The following PREX1 variants were observed in gnomAD, a reference collection of about 807,000 sequenced individuals.
The protein encoded by PREX1 is phosphatidylinositol-3,4,5-trisphosphate dependent Rac exchange factor 1.
A neutral mutation model predicts 198.3 loss-of-function variants in PREX1; 41 were observed. The observed-to-expected ratio is 0.21, with a 90% CI of 0.16 to 0.27. PREX1 has a LOEUF of 0.27. PREX1 is among the 10% of genes least tolerant of loss of function. PREX1 has a pLI of 1.00. For missense variants in PREX1, 1,620 were observed against 2,200.7 expected, an observed-to-expected ratio of 0.74 and a Z score of 5.28; for synonymous variants, 843 against 887.2, an observed-to-expected ratio of 0.95 and a Z score of 0.89.
the PREX1 span, among the ~76,000 whole-genome samples, chr20:48,874,372 CGTGTGTGTGTGTGTGTGTGTGT>C: frequency 1.1e-4 from 14 of 127,920 alleles, no homozygotes; most frequent in Admixed American, 7.0e-4. Flanking sequence ...GAGGGGTGTC[CGTGTGTGTGTGTGTGTGTGTGT>C]GTGTGTGTGT....
intron 4 of PREX1, among the ~76,000 whole-genome samples, chr20:48,727,538 G>A (rs535277396): frequency 1.3e-5 from 2 of 152,136 alleles, no homozygotes; most frequent in South Asian, 4.2e-4. Context: ...CAGGCCTCTA[G>A]GGCTCCCAAC....
intron 1 of PREX1, among the ~76,000 whole-genome samples, chr20:48,766,481 C>A (rs1051714746): frequency 6.6e-6 from 1 of 152,210 alleles, no homozygotes; most frequent in Admixed American, 6.5e-5. Context: ...GCAGCCAGAC[C>A]GGCCTCCAGG....
chr20:48,714,738 C>G (rs1354173745), intron 5 of PREX1, among the ~76,000 whole-genome samples: 1 of 152,202 alleles, frequency 6.6e-6, no homozygotes, highest in East Asian at 1.9e-4. Context: ...ATACCTGAAG[C>G]CATCTATCCA....
chr20:48,796,761 C>T (rs995905292), intron 1 of PREX1, among the ~76,000 whole-genome samples: 1 of 147,274 alleles, frequency 6.8e-6, no homozygotes, highest in African/African-American at 2.5e-5. Flanking sequence ...ATTATATATA[C>T]ATATATAGTT....
rs149728882 is a variant in PREX1, at chr20:48,639,864, C to T, written c.3806G>A (p.Arg1269His). 22 of 1,613,978 alleles carry T rather than the reference C, an allele frequency of 1.4e-5. No individual in the cohort carries two copies. The East Asian group carries it at 2.0e-4, about 15-fold the overall frequency. Residue 1269 changes from arginine to histidine, a missense_variant, in exon 30 of 40, where the codon CGT becomes CAT. This residue lies in a region of PREX1 where 476 missense variants were observed against 603.4 expected (regional missense o/e 0.79). Transcript: ENST00000371941. ...EFKQKEECTI[R>H]GRSLIQISIQ... ...GCTAATCTGGATCAGGCTCCGGCCA[C>T]GGATTGTACACTCTTCTTTCTGTTT...
At chr20:48,682,104 C>A (rs1048643882) in intron 10 of PREX1, among the ~76,000 whole-genome samples, 2 of 152,102 alleles carry the variant, frequency 1.3e-5, no homozygotes, top group African/African-American at 2.4e-5. Flanking sequence ...GATCTCACCC[C>A]CAATACCTCT....
chr20:48,662,283 T>C (rs954840495), intron 15 of PREX1, among the ~76,000 whole-genome samples: 32 of 152,174 alleles, frequency 2.1e-4, no homozygotes, highest in Non-Finnish European at 2.8e-4. Flanking sequence ...GGAGGAAGAA[T>C]TGCAATGTTG....
chr20:48,656,148 C>A (rs2089541142), intron 18 of PREX1, among the ~76,000 whole-genome samples: 1 of 152,268 alleles, frequency 6.6e-6, no homozygotes, highest in African/African-American at 2.4e-5. Flanking sequence ...AAACTTTCCA[C>A]CCCTCCTGTC....
chr20:48,840,402 T>C, the PREX1 span, among the ~76,000 whole-genome samples: 1 of 151,424 alleles, frequency 6.6e-6, no homozygotes, highest in African/African-American at 2.4e-5. Context: ...TGCTAGACAC[T>C]GTTGCTCCAA....
At chr20:48,634,085 C>CGGCT (rs2089338886) in intron 33 of PREX1, among the ~76,000 whole-genome samples, 4 of 122,676 alleles carry the variant, frequency 3.3e-5, no homozygotes, top group Non-Finnish European at 7.0e-5. Flanking sequence ...GATGGATGGA[C>CGGCT]GGATGGATGG....
chr20:48,630,683 C>G lies in PREX1; in HGVS notation c.4593+45G>C, dbSNP rs751872842. On this transcript the variant is annotated intron_variant, in intron 36 of 39. Coordinates refer to ENST00000371941, the MANE Select transcript of PREX1 (RefSeq NM_020820.4). Reference sequence around the variant, plus strand: ...TGCTGAGTCCTGACTCCTGAGCGCCCCACCCTGCCCAAGCTCCCTGCAGCA... The same window carrying G: ...TGCTGAGTCCTGACTCCTGAGCGCCGCACCCTGCCCAAGCTCCCTGCAGCA... 3.3e-6 allele frequency: 5 copies of G among 1,513,464 alleles called. No homozygotes were observed. The African/African-American group carries it at 5.5e-5, about 17-fold the overall frequency. 93.8% of individuals were successfully genotyped at this position (1,513,464 alleles called of 1,614,324 possible).
the PREX1 span, among the ~76,000 whole-genome samples, chr20:48,862,239 A>C: frequency 2.6e-5 from 4 of 152,136 alleles, no homozygotes; most frequent in Non-Finnish European, 5.9e-5. Flanking sequence ...AAAATAAAAA[A>C]GCAAAAACCA....
At chr20:48,626,755 C>T (rs1568786944) in intron 39 of PREX1, among the ~76,000 whole-genome samples, 1 of 152,220 alleles carries the variant, frequency 6.6e-6, no homozygotes, top group Non-Finnish European at 1.5e-5. Flanking sequence ...TTGCCGCTGG[C>T]GGGGAGCTGC....
intron 3 of PREX1, among the ~76,000 whole-genome samples, chr20:48,737,003 C>T (rs1448857197): frequency 2.0e-5 from 3 of 152,034 alleles, no homozygotes; most frequent in Non-Finnish European, 2.9e-5. Flanking sequence ...GTACAGACAA[C>T]AATATCATTA....
intron 3 of PREX1, among the ~76,000 whole-genome samples, chr20:48,735,784 T>G (rs1429718880): frequency 1.3e-5 from 2 of 152,118 alleles, no homozygotes; most frequent in Non-Finnish European, 2.9e-5. Context: ...TCGCCGCTAG[T>G]GCAGTGGCAG....
chr20:48,777,717 T>C (rs2090269117), intron 1 of PREX1, among the ~76,000 whole-genome samples: 1 of 152,260 alleles, frequency 6.6e-6, no homozygotes, highest in Admixed American at 6.5e-5. Context: ...AGACTCTGCA[T>C]CCACATCTGT....
At chr20:48,670,460 T>C (rs1256516521) in intron 14 of PREX1, among the ~76,000 whole-genome samples, 1 of 152,198 alleles carries the variant, frequency 6.6e-6, no homozygotes, top group Non-Finnish European at 1.5e-5. Flanking sequence ...GCCTGGCCTC[T>C]GCTCTCTCCT....
the PREX1 span, among the ~76,000 whole-genome samples, chr20:48,880,536 C>T: frequency 6.6e-6 from 1 of 152,110 alleles, no homozygotes; most frequent in Non-Finnish European, 1.5e-5. Context: ...TGCAGGAGCT[C>T]CAGCTATTGC....
At chr20:48,808,565 G>T (rs563282183) in intron 1 of PREX1, among the ~76,000 whole-genome samples, 252 of 152,252 alleles carry the variant, frequency 1.7e-3, no homozygotes, top group African/African-American at 5.3e-3. Context: ...CGCACAAGTA[G>T]CCAGAGGGAT....
Sources: gnomAD v4.1 joint callset for allele counts (sites outside exome capture counted in the v4.1 genomes callset) on GRCh38, gnomAD v4.1.1 for gene constraint, gnomAD v4.1.1 regional missense constraint, MANE v1.5 for transcripts, NCBI Gene and HGNC (gene_info 2026-07-23, HGNC 2026-07-21) for gene names.